The following CTNNA3 variants were observed in gnomAD, a reference collection of about 807,000 sequenced individuals.
CTNNA3 encodes the protein catenin alpha-3.
CTNNA3 carries 76 observed loss-of-function variants against 95.7 expected under a neutral mutation model. That is an observed-to-expected ratio of 0.79 (90% CI 0.66 to 0.96). The LOEUF (loss-of-function observed/expected upper bound fraction) is 0.96. Among genes scored for constraint, CTNNA3 ranks in the 40% least tolerant of loss-of-function variants. The probability of loss-of-function intolerance (pLI) is 0.00; values close to 1 mark genes in which losing one functional copy is unlikely to be tolerated. For missense variants in CTNNA3, 1,191 were observed against 1,089.8 expected, an observed-to-expected ratio of 1.09 and a Z score of -1.31; for synonymous variants, 431 against 374.4, an observed-to-expected ratio of 1.15 and a Z score of -1.74.
intron 9 of CTNNA3, among the ~76,000 whole-genome samples, chr10:66,715,126 T>G (rs777987182): frequency 6.6e-6 from 1 of 152,140 alleles, no homozygotes; most frequent in African/African-American, 2.4e-5. Flanking sequence ...TTTTTCAGAA[T>G]GATTTCTGAG....
chr10:66,093,712 T>C (rs2081292193), intron 14 of CTNNA3, among the ~76,000 whole-genome samples: 1 of 152,058 alleles, frequency 6.6e-6, no homozygotes, highest in Non-Finnish European at 1.5e-5. Context: ...CAGTGTAGTG[T>C]CTAAGAATTT....
At chr10:66,415,097 C>A (rs2093136018) in intron 11 of CTNNA3, among the ~76,000 whole-genome samples, 1 of 152,098 alleles carries the variant, frequency 6.6e-6, no homozygotes, top group Non-Finnish European at 1.5e-5. Context: ...CTACTATAGC[C>A]TCCCACTCAA....
At chr10:67,571,588 G>A (rs55772538) in intron 3 of CTNNA3, among the ~76,000 whole-genome samples, 13 of 151,994 alleles carry the variant, frequency 8.6e-5, no homozygotes, top group Non-Finnish European at 1.6e-4. Context: ...AAATCTCTGC[G>A]AGTAGATTAT....
At chr10:65,953,791 G>A (rs577919756) in intron 17 of CTNNA3, among the ~76,000 whole-genome samples, 1 of 152,282 alleles carries the variant, frequency 6.6e-6, no homozygotes, top group Admixed American at 6.5e-5. Context: ...ATCATTGATG[G>A]ACATTTGGGT....
intron 13 of CTNNA3, among the ~76,000 whole-genome samples, chr10:66,224,382 C>T (rs2131989107): frequency 6.6e-6 from 1 of 152,330 alleles, no homozygotes; most frequent in East Asian, 1.9e-4. Context: ...CGCTTTTCCA[C>T]CACACCAGGT....
At chr10:66,772,466 G>A (rs1840131214) in intron 8 of CTNNA3, among the ~76,000 whole-genome samples, 1 of 149,750 alleles carries the variant, frequency 6.7e-6, no homozygotes, top group African/African-American at 2.5e-5. Context: ...AAGAAAACAG[G>A]TTAATGTGTT....
At chr10:66,223,749 C>A (rs1389969081) in intron 13 of CTNNA3, among the ~76,000 whole-genome samples, 1 of 152,138 alleles carries the variant, frequency 6.6e-6, no homozygotes, top group Admixed American at 6.5e-5. Flanking sequence ...ACTTTATTGA[C>A]CACAGGGTGC....
At position 67,539,554 on chromosome 10, in the gene CTNNA3, A is replaced by G; in HGVS notation, c.408T>C (p.Leu136=). The change falls in exon 4 of 18, where the codon CTT becomes CTC. Residue 136 remains leucine (L), a synonymous_variant. Coordinates refer to ENST00000433211, the MANE Select transcript of CTNNA3 (RefSeq NM_013266.4). Reference sequence around the variant, plus strand: ...TGACATCAATCATGTCCGCAAGGATAAGGAGTCTCGTCACCGCAGCCAGCA... The same window carrying G: ...TGACATCAATCATGTCCGCAAGGATGAGGAGTCTCGTCACCGCAGCCAGCA... ...RALLAAVTRL[L]ILADMIDVMC... 6.2e-7 allele frequency: 1 copy of G among 1,613,838 alleles called. No homozygotes were observed. Among genetic ancestry groups the G allele is most frequent in the Non-Finnish European group, 8.5e-7 (1 of 1,179,802 alleles).
At chr10:67,025,949 T>C (rs546021692) in intron 7 of CTNNA3, among the ~76,000 whole-genome samples, 1 of 150,038 alleles carries the variant, frequency 6.7e-6, no homozygotes, top group East Asian at 2.0e-4. Flanking sequence ...TGAGTTCATG[T>C]CCTTTGTAGG....
intron 15 of CTNNA3, among the ~76,000 whole-genome samples, chr10:66,027,002 T>G (rs2079353415): frequency 6.6e-6 from 1 of 152,064 alleles, no homozygotes; most frequent in Admixed American, 6.6e-5. Context: ...GTCAAATAAG[T>G]TAAATAGATA....
At chr10:66,140,887 G>T (rs1048689953) in intron 13 of CTNNA3, among the ~76,000 whole-genome samples, 4 of 152,076 alleles carry the variant, frequency 2.6e-5, no homozygotes, top group Non-Finnish European at 5.9e-5. Flanking sequence ...TTTTGTCATT[G>T]TTGTTGCTGT....
chr10:66,748,947 C>A (rs956993495), intron 9 of CTNNA3, among the ~76,000 whole-genome samples: 12 of 151,060 alleles, frequency 7.9e-5, no homozygotes, highest in Non-Finnish European at 1.5e-4. Context: ...CCAAGGCGGG[C>A]GGATCACCTG....
chr10:66,860,692 A>G (rs1843883681), intron 7 of CTNNA3, among the ~76,000 whole-genome samples: 1 of 152,152 alleles, frequency 6.6e-6, no homozygotes, highest in Admixed American at 6.6e-5. Flanking sequence ...CAACCATTAA[A>G]CTGTCTCTAA....
chr10:66,259,925 C>T (rs2090936209), intron 13 of CTNNA3, among the ~76,000 whole-genome samples: 1 of 152,082 alleles, frequency 6.6e-6, no homozygotes, highest in African/African-American at 2.4e-5. Context: ...CAATTAGAAA[C>T]CTTAATGAAA....
chr10:66,744,151 T>C (rs1408779288), intron 9 of CTNNA3, among the ~76,000 whole-genome samples: 2 of 152,068 alleles, frequency 1.3e-5, no homozygotes, highest in African/African-American at 2.4e-5. Flanking sequence ...TCCGAATCCA[T>C]GCTGAAAAAG....
chr10:66,734,854 A>T (rs1849080234), intron 9 of CTNNA3, among the ~76,000 whole-genome samples: 1 of 145,748 alleles, frequency 6.9e-6, no homozygotes, highest in Non-Finnish European at 1.5e-5. Flanking sequence ...CACTGTCTCA[A>T]AAAAAGGAAG....
intron 10 of CTNNA3, among the ~76,000 whole-genome samples, chr10:66,604,268 T>G (rs1844035380): frequency 6.6e-6 from 1 of 151,792 alleles, no homozygotes; most frequent in African/African-American, 2.4e-5. Context: ...AAACAAAAAA[T>G]CCAATTAAAA....
At chr10:67,409,744 T>A (rs1435288614) in intron 5 of CTNNA3, among the ~76,000 whole-genome samples, 2 of 152,086 alleles carry the variant, frequency 1.3e-5, no homozygotes, top group Non-Finnish European at 2.9e-5. Context: ...CTCTGGAACT[T>A]AAAATAAAAG....
At chr10:67,251,624 A>G (rs1335558628) in intron 5 of CTNNA3, among the ~76,000 whole-genome samples, 1 of 152,170 alleles carries the variant, frequency 6.6e-6, no homozygotes, top group African/African-American at 2.4e-5. Context: ...CTCAGAACCA[A>G]TGAGGAAGAA....
Sources: gnomAD v4.1 joint callset for allele counts (sites outside exome capture counted in the v4.1 genomes callset) on GRCh38, gnomAD v4.1.1 for gene constraint, MANE v1.5 for transcripts, NCBI Gene and HGNC (gene_info 2026-07-23, HGNC 2026-07-21) for gene names.